Variants in APBA2 observed in about 807,000 individuals in gnomAD.
The protein encoded by APBA2 is amyloid beta precursor protein binding family A member 2, also known as amyloid-beta A4 precursor protein-binding family A member 2.
A neutral mutation model predicts 75.0 loss-of-function variants in APBA2; 30 were observed. That is an observed-to-expected ratio of 0.40 (90% confidence interval 0.30 to 0.54). The LOEUF is 0.54. Ranked by LOEUF, APBA2 falls within the 20% of genes least tolerant of loss-of-function variation. The probability of loss-of-function intolerance (pLI) is 0.49; values close to 1 mark genes in which losing one functional copy is unlikely to be tolerated. For missense variants in APBA2, 801 were observed against 1,016.1 expected (o/e 0.79, Z 2.88); for synonymous variants, 444 against 409.6 (o/e 1.08, Z -1.01).
intron 2 of APBA2, chr15:28,970,068 T>C (rs531812006): frequency 4.5e-4 from 68 of 152,340 alleles, no homozygotes; most frequent in African/African-American, 1.6e-3. Flanking sequence ...TTCCTTTATG[T>C]ACCAGGATAA....
At chr15:28,924,564 G>T (rs2034154132) in intron 2 of APBA2, among the ~76,000 whole-genome samples, 2 of 152,144 alleles carry the variant, frequency 1.3e-5, no homozygotes, top group Non-Finnish European at 2.9e-5. Flanking sequence ...AAGTTTATGT[G>T]GATGACCCAT....
intron 4 of APBA2, among the ~76,000 whole-genome samples, chr15:29,064,262 T>A (rs1203488293): frequency 1.3e-5 from 2 of 152,124 alleles, no homozygotes; most frequent in African/African-American, 4.8e-5. Context: ...TTTTCCAGTT[T>A]CCACCCCGAA....
intron 4 of APBA2, among the ~76,000 whole-genome samples, chr15:29,064,012 G>C (rs921688232): frequency 6.6e-6 from 1 of 152,122 alleles, no homozygotes; most frequent in Admixed American, 6.5e-5. Flanking sequence ...AATGTGGCTT[G>C]TGCCCTGCTG....
chr15:28,933,900 C>T (rs548142486), intron 2 of APBA2, among the ~76,000 whole-genome samples: 1 of 152,276 alleles, frequency 6.6e-6, no homozygotes, highest in Admixed American at 6.5e-5. Flanking sequence ...GAGCAGAGGG[C>T]CTGGGGAAGT....
chr15:28,932,826 T>C (rs908587773), intron 2 of APBA2, among the ~76,000 whole-genome samples: 1 of 152,204 alleles, frequency 6.6e-6, no homozygotes, highest in Non-Finnish European at 1.5e-5. Context: ...GAGGGAGACA[T>C]TGGAATTCAC....
chr15:29,014,056 TC>T (rs1474524239), intron 3 of APBA2, among the ~76,000 whole-genome samples: 1 of 152,240 alleles, frequency 6.6e-6, no homozygotes, highest in African/African-American at 2.4e-5. Context: ...CATCTACAGT[TC>T]TGAAGAGCTG....
intron 2 of APBA2, among the ~76,000 whole-genome samples, chr15:28,984,909 G>A (rs2037831275): frequency 6.9e-6 from 1 of 144,016 alleles, no homozygotes; most frequent in South Asian, 2.1e-4. Flanking sequence ...GTTGGGGGGA[G>A]CTGCTCTCTC....
chr15:29,055,419 C>T (rs1314759490), intron 4 of APBA2, among the ~76,000 whole-genome samples: 1 of 152,110 alleles, frequency 6.6e-6, no homozygotes, highest in African/African-American at 2.4e-5. Context: ...GGGGAAGAAA[C>T]GCATGCTAAT....
Position 29,031,158 on chromosome 15 carries a change from A to G in APBA2, c.-40-22687A>G, listed in dbSNP as rs540166699. 2.1e-4 allele frequency among the ~76,000 whole-genome samples: 32 copies of G among 152,182 alleles called. No homozygotes were observed. The South Asian group carries it at 6.0e-3, about 29-fold the overall frequency. ...CTTCGTGCCATTTTTTTCAGGTGTC[A>G]TCAGAAGAGACTAAGCAACTCATGG... On this transcript the variant is annotated intron_variant, in intron 3 of 14. Transcript: ENST00000683413.
intron 4 of APBA2, among the ~76,000 whole-genome samples, chr15:29,059,775 G>C (rs2042053297): frequency 6.6e-6 from 1 of 152,140 alleles, no homozygotes; most frequent in South Asian, 2.1e-4. Context: ...CAGCTTTACA[G>C]AACATAACTA....
chr15:28,914,804 C>A (rs1424268033), intron 1 of APBA2, among the ~76,000 whole-genome samples: 1 of 151,942 alleles, frequency 6.6e-6, no homozygotes, highest in African/African-American at 2.4e-5. Flanking sequence ...GGGTTCTGAG[C>A]TGATGGGGGC....
intron 2 of APBA2, among the ~76,000 whole-genome samples, chr15:28,947,885 G>A (rs761016807): frequency 1.3e-5 from 2 of 152,202 alleles, no homozygotes; most frequent in African/African-American, 4.8e-5. Flanking sequence ...TAATGTCTCT[G>A]CTTCAAGATT....
At chr15:28,909,545 A>G (rs2033328959) in intron 1 of APBA2, among the ~76,000 whole-genome samples, 1 of 152,200 alleles carries the variant, frequency 6.6e-6, no homozygotes, top group African/African-American at 2.4e-5. Flanking sequence ...CAGTAGAAAG[A>G]ATCCAAGAAG....
chr15:29,094,724 G>T (rs2043763335), intron 8 of APBA2, among the ~76,000 whole-genome samples: 1 of 152,228 alleles, frequency 6.6e-6, no homozygotes, highest in South Asian at 2.1e-4. Flanking sequence ...AGTCAGGAGG[G>T]TGAGTAGCTC....
At chr15:28,929,788 C>T (rs1475956446) in intron 2 of APBA2, among the ~76,000 whole-genome samples, 5 of 152,224 alleles carry the variant, frequency 3.3e-5, no homozygotes, top group Non-Finnish European at 1.5e-5. Flanking sequence ...CCACTGCCAG[C>T]ATCAGTTCTT....
rs578006049 is a variant in APBA2 at position 28,897,486 on chromosome 15, C to T, written c.-205+11208C>T. Reference sequence around the variant, plus strand: ...CAAAACAATTAGGTGGGCATGGTGGCGGGCGCCTATAACCCCAGCTACTCG... The same window carrying T: ...CAAAACAATTAGGTGGGCATGGTGGTGGGCGCCTATAACCCCAGCTACTCG... On this transcript the variant is annotated intron_variant, in intron 1 of 14. Transcript: ENST00000683413. Among the ~76,000 whole-genome samples the T allele has an allele frequency of 2.6e-5, 4 of 151,872 alleles. No homozygotes were observed. In the East Asian group the frequency reaches 7.8e-4, roughly 29 times the overall value.
chr15:29,108,847 G>A (rs1387427026), intron 13 of APBA2, among the ~76,000 whole-genome samples: 1 of 152,214 alleles, frequency 6.6e-6, no homozygotes, highest in Non-Finnish European at 1.5e-5. Context: ...CTTTGTACCA[G>A]GCAATGGGAA....
intron 1 of APBA2, among the ~76,000 whole-genome samples, chr15:28,889,216 C>A (rs1403511036): frequency 6.6e-6 from 1 of 152,170 alleles, no homozygotes; most frequent in East Asian, 1.9e-4. Context: ...TCTCGCCTCC[C>A]CTGAAGCCAA....
At chr15:29,105,153 C>T (rs888011438) in intron 10 of APBA2, among the ~76,000 whole-genome samples, 1 of 152,198 alleles carries the variant, frequency 6.6e-6, no homozygotes, top group African/African-American at 2.4e-5. Flanking sequence ...CTTTGGGGTT[C>T]AGGGCAACAC....
Sources: allele counts gnomAD v4.1 joint callset (sites outside exome capture counted in the v4.1 genomes callset), GRCh38; gene constraint gnomAD v4.1.1; transcripts MANE v1.5; gene names NCBI Gene and HGNC (gene_info 2026-07-23, HGNC 2026-07-21).